Variants in MACF1 observed in about 807,000 individuals in gnomAD.
The protein encoded by MACF1 is microtubule-actin cross-linking factor 1.
Under a neutral mutation model 854.8 loss-of-function variants are expected in MACF1, and 193 were observed. The ratio of observed to expected loss-of-function variants is 0.23; its 90% CI spans 0.20 to 0.25. The LOEUF is 0.25. Among genes scored for constraint, MACF1 ranks in the 10% least tolerant of loss-of-function variants. MACF1 has a pLI of 1.00. For missense variants in MACF1, 7,722 were observed against 8,929.1 expected, an observed-to-expected ratio of 0.86 and a Z score of 5.45; for synonymous variants, 3,185 against 3,226.7, an observed-to-expected ratio of 0.99 and a Z score of 0.44.
rs1438496182 is a variant in MACF1 at position 39,337,335 on chromosome 1, G to A, written c.10215+4G>A. On this transcript the variant is annotated splice_donor_region_variant and intron_variant, in intron 38 of 100. Coordinates refer to ENST00000564288, the MANE Select transcript of MACF1 (RefSeq NM_001394062.1). The stretch of plus-strand genomic sequence containing the variant: ...GGATCTGCTGTGTCAGGCCAAGGTA[G>A]GTTCCCAGAGACTTCCACCACAGAC... 1 of 1,612,042 alleles carries A rather than the reference G, an allele frequency of 6.2e-7. No homozygotes were observed.
intron 35 of MACF1, 45 bp downstream of exon 35, chr1:39,324,779 C>CT (rs1302027683): frequency 1.4e-6 from 2 of 1,417,744 alleles, no homozygotes; most frequent in African/African-American, 2.8e-5. Flanking sequence ...GGCACCTGGT[C>CT]TATCAGTCTA....
intron 1 of MACF1, among the ~76,000 whole-genome samples, chr1:39,225,496 G>A (rs997435923): frequency 5.3e-5 from 8 of 152,084 alleles, no homozygotes; most frequent in African/African-American, 1.2e-4. Flanking sequence ...GATTACAGGC[G>A]TGAGCCACCA....
At chr1:39,258,056 G>A in intron 6 of MACF1, 28 bp downstream of exon 6, 1 of 1,583,986 alleles carries the variant, frequency 6.3e-7, no homozygotes, top group Non-Finnish European at 8.7e-7. Context: ...TGGAATTCCT[G>A]TTGCTTTGTT....
chr1:39,196,779 G>A (rs1050389331), intron 2 of MACF1, among the ~76,000 whole-genome samples: 2 of 152,166 alleles, frequency 1.3e-5, no homozygotes, highest in African/African-American at 4.8e-5. Context: ...TGAATAAAAT[G>A]TCCAGCATAC....
intron 22 of MACF1, among the ~76,000 whole-genome samples, chr1:39,301,193 C>G (rs1362676948): frequency 6.6e-6 from 1 of 152,116 alleles, no homozygotes; most frequent in Non-Finnish European, 1.5e-5. Context: ...GTGGCACGAT[C>G]TCAGCTCACT....
chr1:39,167,745 G>A (rs1208408875), intron 2 of MACF1, among the ~76,000 whole-genome samples: 2 of 151,756 alleles, frequency 1.3e-5, no homozygotes, highest in Admixed American at 1.3e-4. Flanking sequence ...GTGGTGACAG[G>A]CACCTATAAT....
At chr1:39,397,629 T>A (rs1642325284) in intron 58 of MACF1, among the ~76,000 whole-genome samples, 1 of 152,012 alleles carries the variant, frequency 6.6e-6, no homozygotes, top group Non-Finnish European at 1.5e-5. Flanking sequence ...ACTCAGACAC[T>A]TACATTAGCC....
At chr1:39,438,472 G>T (rs990108878) in intron 71 of MACF1, among the ~76,000 whole-genome samples, 1 of 152,210 alleles carries the variant, frequency 6.6e-6, no homozygotes, top group African/African-American at 2.4e-5. Flanking sequence ...CAATGTAAGA[G>T]GAAAACGCTA....
At chr1:39,358,021 T>C (rs1647740725) in intron 45 of MACF1, 128 bp downstream of exon 45, 1 of 973,796 alleles carries the variant, frequency 1.0e-6, no homozygotes, top group Admixed American at 2.9e-5. Flanking sequence ...ACTTGGACCA[T>C]GGGCAGAAGG....
chr1:39,373,476 A>G (rs1278164054), intron 52 of MACF1: 6 of 102,364 alleles, frequency 5.9e-5, no homozygotes, highest in African/African-American at 1.5e-4. Context: ...ATCTCAGGAA[A>G]AAAAAAAAAA....
intron 2 of MACF1, among the ~76,000 whole-genome samples, chr1:39,160,547 C>T (rs1417029047): frequency 6.6e-6 from 1 of 152,188 alleles, no homozygotes; most frequent in East Asian, 1.9e-4. Flanking sequence ...GTCTTTATAG[C>T]ATAAAACATA....
intron 70 of MACF1, among the ~76,000 whole-genome samples, chr1:39,436,891 A>G (rs1643989184): frequency 6.6e-6 from 1 of 152,258 alleles, no homozygotes; most frequent in African/African-American, 2.4e-5. Flanking sequence ...TTCAAGAATA[A>G]GGTTAGATTT....
chr1:39,268,476 T>C, intron 6 of MACF1: 1 of 1,116,604 alleles, frequency 9.0e-7, no homozygotes. Context: ...TGCTTTGAAT[T>C]TGTCTTGTTG....
intron 6 of MACF1, among the ~76,000 whole-genome samples, chr1:39,268,037 A>T (rs573868899): frequency 6.6e-6 from 1 of 152,230 alleles, no homozygotes; most frequent in East Asian, 1.9e-4. Context: ...TATCTGCTTG[A>T]TATTTTCTTT....
At chr1:39,369,353 A>G (rs1353507668) in intron 50 of MACF1, among the ~76,000 whole-genome samples, 1 of 152,230 alleles carries the variant, frequency 6.6e-6, no homozygotes, top group East Asian at 1.9e-4. Flanking sequence ...TTTAGCAGAT[A>G]ACTGCCTTAG....
intron 36 of MACF1, among the ~76,000 whole-genome samples, chr1:39,329,785 A>T (rs1433407494): frequency 6.6e-6 from 1 of 152,236 alleles, no homozygotes; most frequent in African/African-American, 2.4e-5. Flanking sequence ...CTCAAAAATG[A>T]GAATTCTTTA....
intron 80 of MACF1, among the ~76,000 whole-genome samples, chr1:39,445,058 G>A (rs113896806): frequency 5.1e-4 from 78 of 152,176 alleles, no homozygotes; most frequent in South Asian, 2.1e-3. Context: ...TGCCATTATC[G>A]CTTCGTGATG....
intron 52 of MACF1, 103 bp from the exon 53 acceptor site, chr1:39,378,358 T>C: frequency 1.3e-6 from 1 of 773,688 alleles, no homozygotes; most frequent in Non-Finnish European, 2.3e-6. Context: ...GTTAACTTCC[T>C]GATACCTAAG....
chr1:39,234,876 G>T (rs1644839893), intron 2 of MACF1, among the ~76,000 whole-genome samples: 1 of 135,774 alleles, frequency 7.4e-6, no homozygotes, highest in Non-Finnish European at 1.6e-5. Context: ...CGGGGCGGCG[G>T]GGCAGAGGCG....
Sources: gnomAD v4.1 joint callset for allele counts (sites outside exome capture counted in the v4.1 genomes callset) on GRCh38, gnomAD v4.1.1 for gene constraint, MANE v1.5 for transcripts, NCBI Gene and HGNC (gene_info 2026-07-23, HGNC 2026-07-21) for gene names.